The following DYNC1H1 variants were observed in gnomAD, a reference collection of about 807,000 sequenced individuals.
DYNC1H1 encodes dynein cytoplasmic 1 heavy chain 1.
In DYNC1H1, 51 loss-of-function variants were observed where a neutral mutation model predicts 527.1. That is an observed-to-expected ratio of 0.10 (90% CI 0.08 to 0.12). The LOEUF is 0.12. Among genes scored for constraint, DYNC1H1 ranks in the 10% least tolerant of loss-of-function variants. The pLI is 1.00. For missense variants in DYNC1H1, 2,771 were observed against 5,971.8 expected (o/e 0.46, Z 17.66); for synonymous variants, 2,189 against 2,278.8 (o/e 0.96, Z 1.12).
Position 102,011,748 on chromosome 14 carries a change from T to C in DYNC1H1, c.6619-127T>C. On this transcript the variant is annotated intron_variant, in intron 32 of 77. Coordinates refer to ENST00000360184, the MANE Select transcript of DYNC1H1 (RefSeq NM_001376.5). The surrounding 1 kb of genome is among the most constrained non-coding windows in gnomAD (Gnocchi z 5.3). ...GTCTGGGTGACAGAGAGAGACTCCG[T>C]TTCAGGAAAAAAAAAAAAATCCACA... 3 of 1,026,716 alleles carry C rather than the reference T, an allele frequency of 2.9e-6. No individual in the cohort carries two copies. Among genetic ancestry groups the C allele is most frequent in the Non-Finnish European group, 2.9e-6 (2 of 679,782 alleles). 63.6% of individuals were successfully genotyped at this position (1,026,716 alleles called of 1,614,324 possible).
chr14:101,979,528 A>C lies in DYNC1H1; in HGVS notation c.518+36A>C. 6.2e-7 allele frequency: 1 copy of C among 1,613,776 alleles called. No individual in the cohort carries two copies. Among genetic ancestry groups the C allele is most frequent in the Non-Finnish European group, 8.5e-7 (1 of 1,179,784 alleles). ...TGGTTTGAATGTTATATTTCACTTA[A>C]TGTTCACAAGATAGTATAGAACTCG... On this transcript the variant is annotated intron_variant, in intron 3 of 77. Coordinates refer to ENST00000360184, the MANE Select transcript of DYNC1H1 (RefSeq NM_001376.5). The surrounding 1 kb of genome is among the most constrained non-coding windows in gnomAD (Gnocchi z 4.6).
chr14:102,027,492 T>C lies in DYNC1H1; in HGVS notation c.8996T>C (p.Val2999Ala). ...KIAFIMDESN[V>A]LDSGFLERMN... Reference sequence around the variant, plus strand: ...GCATTTATAATGGATGAATCTAATGTGTTAGATTCTGGATTCCTGGAGCGA... The same window carrying C: ...GCATTTATAATGGATGAATCTAATGCGTTAGATTCTGGATTCCTGGAGCGA... The change falls in exon 46 of 78, where the codon GTG becomes GCG. Residue 2999 changes from valine to alanine, a missense_variant. Val to Ala is a moderately conservative substitution (Grantham distance 64, BLOSUM62 0). Transcript: ENST00000360184. The surrounding 1 kb of genome is among the most constrained non-coding windows in gnomAD (Gnocchi z 7.7). 6.2e-7 allele frequency: 1 copy of C among 1,614,142 alleles called. No individual in the cohort carries two copies. Among genetic ancestry groups the C allele is most frequent in the Non-Finnish European group, 8.5e-7 (1 of 1,179,988 alleles).
At chr14:101,972,561 G>T (rs1041485244) in intron 1 of DYNC1H1, among the ~76,000 whole-genome samples, 8 of 152,246 alleles carry the variant, frequency 5.3e-5, no homozygotes, top group Non-Finnish European at 1.0e-4. Context: ...CAGAGCTGGA[G>T]CGCTCACCAC....
Position 102,024,554 on chromosome 14 carries a change from C to T in DYNC1H1, c.8637+1674C>T, listed in dbSNP as rs185286129. Among the ~76,000 whole-genome samples the T allele has an allele frequency of 3.0e-4, 45 of 152,192 alleles. 1 individual carries two copies. Among genetic ancestry groups the T allele is most frequent in the Admixed American group, 2.1e-3 (32 of 15,270 alleles). ...GTCAGGGAGGGCATACAAGGCAGAG[C>T]GCCTGATAGGAGCTGGGAGTAGTAA... On this transcript the variant is annotated intron_variant, in intron 43 of 77. Coordinates refer to ENST00000360184, the MANE Select transcript of DYNC1H1 (RefSeq NM_001376.5).
chr14:102,028,465 A>G (rs926594983), intron 48 of DYNC1H1: 3 of 369,170 alleles, frequency 8.1e-6, no homozygotes, highest in Non-Finnish European at 1.6e-5. Context: ...TATTGAGCTG[A>G]GATCACGGCA....
intron 69 of DYNC1H1, 38 bp from the exon 70 acceptor site, chr14:102,043,835 GTT>G: frequency 6.2e-7 from 1 of 1,613,988 alleles, no homozygotes; most frequent in Non-Finnish European, 8.5e-7. Context: ...GCGAAGTGCT[GTT>G]TTCTAATGAC....
In DYNC1H1 at chr14:102,002,970, G is replaced by A. The variant is rs1253552440; in HGVS notation, c.4883+5G>A. ...AGAGCGGTCATCTTTCCCCAGGTAA[G>A]ATCCTTGCTTTGACTTGGCCTGGAG... is the stretch of plus-strand genomic sequence containing the variant. On this transcript the variant is annotated splice_donor_5th_base_variant and intron_variant, in intron 23 of 77. Transcript: ENST00000360184. This position sits in a 1 kb window ranked among gnomAD's most constrained non-coding sequence, Gnocchi z 4.4. 1 of 1,614,002 alleles carries A rather than the reference G, an allele frequency of 6.2e-7. No homozygotes were observed. The highest frequency in any genetic ancestry group is 1.1e-5 in the South Asian group (1 of 91,080).
At chr14:102,022,985 G>A in intron 43 of DYNC1H1, 105 bp downstream of exon 43, 4 of 1,550,434 alleles carry the variant, frequency 2.6e-6, no homozygotes, top group Non-Finnish European at 3.5e-6. Context: ...TCTTTAGGCT[G>A]GGTATGGTGT....
Position 102,011,119 on chromosome 14 carries a change from T to C in DYNC1H1, c.6618+167T>C, listed in dbSNP as rs1162867204. The C allele has an allele frequency of 9.2e-6, 7 of 763,234 alleles. No homozygotes were observed. In the South Asian group the frequency reaches 1.1e-4, roughly 12 times the overall value. The allele number at this position is 763,234 out of a possible 1,614,324, so 47.3% of individuals were successfully genotyped here. ...AGGCCTATTTGAATTTTTGTTGTTG[T>C]TGTTTAAATGAAGAGGAAACAATAC... On this transcript the variant is annotated intron_variant, in intron 32 of 77. Transcript: ENST00000360184. The surrounding 1 kb of genome is among the most constrained non-coding windows in gnomAD (Gnocchi z 5.3).
Position 102,017,607 on chromosome 14 carries a change from T to C in DYNC1H1, c.8177+103T>C. The C allele has an allele frequency of 6.3e-7, 1 of 1,580,486 alleles. No individual in the cohort carries two copies. The highest frequency in any genetic ancestry group is 8.7e-7 in the Non-Finnish European group (1 of 1,152,012). On this transcript the variant is annotated intron_variant, in intron 40 of 77. Coordinates refer to ENST00000360184, the MANE Select transcript of DYNC1H1 (RefSeq NM_001376.5). The surrounding 1 kb of genome is among the most constrained non-coding windows in gnomAD (Gnocchi z 4.6). ...CTGGTTTTGATAATAAAGACAACAA[T>C]ACTGCTTATTGTGGATTCCTCTTGG...
chr14:102,023,530 C>A, intron 43 of DYNC1H1: 1 of 159,366 alleles, frequency 6.3e-6, no homozygotes, highest in Non-Finnish European at 1.4e-5. Flanking sequence ...GCCTCAGCAA[C>A]AAGAGCGAAA....
Position 102,054,624 on chromosome 14 carries a change from A to G in DYNC1H1, c.*4061A>G, listed in dbSNP as rs1319226165. 1.4e-5 allele frequency: 2 copies of G among 141,922 alleles called. No individual in the cohort carries two copies. The highest frequency in any genetic ancestry group is 5.5e-5 in the African/African-American group (2 of 36,658). The allele number at this position is 141,922 out of a possible 1,614,324, so 8.8% of individuals were successfully genotyped here. ...TGCTCTGTCGCCCAGGCTGGAGTGC[A>G]ATGGTGTGATCTTGGCTGACTGCAA... On this transcript the variant is annotated 3_prime_UTR_variant, in exon 78 of 78. Transcript: ENST00000360184.
At chr14:101,972,643 C>A (rs1314776821) in intron 1 of DYNC1H1, among the ~76,000 whole-genome samples, 1 of 152,188 alleles carries the variant, frequency 6.6e-6, no homozygotes, top group African/African-American at 2.4e-5. Context: ...GTGTAGGCCA[C>A]ATGCTCATAT....
In DYNC1H1 at chr14:102,042,240, G is replaced by GCTTTAACCAAGCAGAT. The variant is rs1567022551; in HGVS notation, c.12228_12243dup (p.Lys4082LeufsTer2). 6.2e-7 allele frequency: 1 copy of GCTTTAACCAAGCAGAT among 1,614,098 alleles called. No homozygotes were observed. Among genetic ancestry groups the GCTTTAACCAAGCAGAT allele is most frequent in the Non-Finnish European group, 8.5e-7 (1 of 1,180,024 alleles). On this transcript the variant is annotated frameshift_variant, in exon 67 of 78. Transcript: ENST00000360184. LOFTEE classifies it high-confidence loss of function. The surrounding 1 kb of genome is among the most constrained non-coding windows in gnomAD (Gnocchi z 5.7). The stretch of plus-strand genomic sequence containing the variant: ...TTCCCTGCACCAGGCTCTGCAGAAG[G>GCTTTAACCAAGCAGAT]CTTTAACCAAGCAGATAAGGCAATA...
intron 50 of DYNC1H1, 104 bp from the exon 51 acceptor site, chr14:102,030,058 G>C: frequency 4.9e-6 from 2 of 411,310 alleles, no homozygotes; most frequent in Non-Finnish European, 6.2e-6. Context: ...GGGAGAGAGA[G>C]TGTGTGTGTG....
Position 102,001,119 on chromosome 14 carries a change from G to A in DYNC1H1, c.4186-26G>A. 6.2e-7 allele frequency: 1 copy of A among 1,614,194 alleles called. No individual in the cohort carries two copies. Among genetic ancestry groups the A allele is most frequent in the Non-Finnish European group, 8.5e-7 (1 of 1,180,040 alleles). On this transcript the variant is annotated intron_variant, in intron 19 of 77. Transcript: ENST00000360184. The surrounding 1 kb of genome is among the most constrained non-coding windows in gnomAD (Gnocchi z 5.0). ...TGTCCATTAGAAACGCACCTGCACAGATCACTTTGTTTACTTTCTCCACAG... is the reference window on the plus strand; with the variant it reads ...TGTCCATTAGAAACGCACCTGCACAAATCACTTTGTTTACTTTCTCCACAG...
Position 102,038,981 on chromosome 14 carries a change from G to C in DYNC1H1, c.11207-20G>C, listed in dbSNP as rs1187651671. ...CTTTTGAAGGATTATTGCAAACTCT[G>C]GATGTTTTATTCATTTAAGGGGAAT... On this transcript the variant is annotated intron_variant, in intron 59 of 77. Transcript: ENST00000360184. This position sits in a 1 kb window ranked among gnomAD's most constrained non-coding sequence, Gnocchi z 7.2. The C allele has an allele frequency of 6.2e-7, 1 of 1,613,926 alleles. No homozygotes were observed. Among genetic ancestry groups the C allele is most frequent in the Non-Finnish European group, 8.5e-7 (1 of 1,180,020 alleles).
At chr14:102,013,531 C>A (rs975494155) in intron 34 of DYNC1H1, among the ~76,000 whole-genome samples, 1 of 152,080 alleles carries the variant, frequency 6.6e-6, no homozygotes, top group East Asian at 1.9e-4. Flanking sequence ...GGCCGGTGTA[C>A]TTGAGGACAG....
At chr14:101,988,605 G>A in intron 9 of DYNC1H1, 98 bp from the exon 10 acceptor site, 1 of 1,513,638 alleles carries the variant, frequency 6.6e-7, no homozygotes, top group Non-Finnish European at 9.1e-7. Flanking sequence ...CCGGAACTGT[G>A]TATCTTTTAT....
Sources: gnomAD v4.1 joint callset for allele counts (sites outside exome capture counted in the v4.1 genomes callset) on GRCh38, gnomAD v4.1.1 for gene constraint, Gnocchi (gnomAD v3.1) non-coding constraint, MANE v1.5 for transcripts, NCBI Gene and HGNC (gene_info 2026-07-23, HGNC 2026-07-21) for gene names.